Variants in ANKRD46 observed in about 807,000 individuals in gnomAD.
ANKRD46 encodes ankyrin repeat domain 46.
ANKRD46 carries 13 observed loss-of-function variants against 19.8 expected under a neutral mutation model. The observed-to-expected ratio is 0.66, with a 90% CI of 0.43 to 1.04. The LOEUF is 1.04. Among genes scored for constraint, ANKRD46 ranks in the 50% least tolerant of loss-of-function variants. The pLI is 0.00. For missense variants in ANKRD46, 185 were observed against 274.8 expected (o/e 0.67, Z 2.31); for synonymous variants, 91 against 106.9 (o/e 0.85, Z 0.92).
intron 1 of ANKRD46, among the ~76,000 whole-genome samples, chr8:100,558,115 C>A (rs924364431): frequency 1.3e-5 from 2 of 152,194 alleles, no homozygotes; most frequent in South Asian, 4.1e-4. Context: ...TATGCAAATT[C>A]TTAAATCTAT....
rs115435823 is a variant in ANKRD46, at chr8:100,539,367, A to C, written c.-130-6056T>G. On this transcript the variant is annotated intron_variant, in intron 1 of 4. Coordinates refer to ENST00000335659, the MANE Select transcript of ANKRD46 (RefSeq NM_001270377.2). ...GAGTTGCTCTCTTTCTGTGGGAAGT[A>C]AATAAAAGGAGGAACTAAGAACACT... 7.2e-3 allele frequency among the ~76,000 whole-genome samples: 1,090 copies of C among 152,332 alleles called. 16 individuals are homozygous for C. The highest frequency in any genetic ancestry group is 0.025 in the African/African-American group (1,043 of 41,568).
chr8:100,516,674 T>C (rs1811639842), downstream of ANKRD46, among the ~76,000 whole-genome samples: 1 of 152,236 alleles, frequency 6.6e-6, no homozygotes. Context: ...ATTAAGCTTT[T>C]CAGCATCCAG....
In ANKRD46 at chr8:100,521,887, CA is replaced by C; in HGVS notation, c.*667del. The C allele has an allele frequency of 1.0e-6, 1 of 984,754 alleles. No individual in the cohort carries two copies. 61.0% of individuals were successfully genotyped at this position (984,754 alleles called of 1,614,324 possible). On this transcript the variant is annotated 3_prime_UTR_variant, in exon 5 of 5. Transcript: ENST00000335659. The stretch of plus-strand genomic sequence containing the variant: ...CTCATTTATTTTTCACAGATATTAA[CA>C]AGCAAAGCAGTTTACAAAAAGATCA...
At chr8:100,552,080 G>A (rs1812402431) in intron 1 of ANKRD46, among the ~76,000 whole-genome samples, 2 of 151,524 alleles carry the variant, frequency 1.3e-5, no homozygotes, top group African/African-American at 4.9e-5. Context: ...AACCTGGGAG[G>A]TGGAGGTTGC....
At position 100,546,487 on chromosome 8, in the gene ANKRD46, G is replaced by A. The variant is rs1812275105; in HGVS notation, c.-130-13176C>T. On this transcript the variant is annotated intron_variant, in intron 1 of 4. Transcript: ENST00000335659. The surrounding 1 kb of genome is among the most constrained non-coding windows in gnomAD (Gnocchi z 4.0). ...TAGGTGTGCAGAAGACAGGAGTTGA[G>A]CTTTGGGAACCTCTGCCTAGATTTC... 6.6e-6 allele frequency among the ~76,000 whole-genome samples: 1 copy of A among 152,248 alleles called. No homozygotes were observed. The highest frequency in any genetic ancestry group is 1.5e-5 in the Non-Finnish European group (1 of 68,036).
rs1242399628 is a variant in ANKRD46, at chr8:100,543,347, T to C, written c.-130-10036A>G. ...TCAAAACCATTTAATATTTTGCGATTTGTTCTATAACAAATACTAAGGAAA... is the reference window on the plus strand; with the variant it reads ...TCAAAACCATTTAATATTTTGCGATCTGTTCTATAACAAATACTAAGGAAA... On this transcript the variant is annotated intron_variant, in intron 1 of 4. Coordinates refer to ENST00000335659, the MANE Select transcript of ANKRD46 (RefSeq NM_001270377.2). This position sits in a 1 kb window ranked among gnomAD's most constrained non-coding sequence, Gnocchi z 4.2. Among the ~76,000 whole-genome samples the C allele has an allele frequency of 6.6e-6, 1 of 152,236 alleles. No homozygotes were observed. Among genetic ancestry groups the C allele is most frequent in the Admixed American group, 6.5e-5 (1 of 15,280 alleles).
chr8:100,545,498 T>C lies in ANKRD46; in HGVS notation c.-130-12187A>G, dbSNP rs759096159. 2.4e-4 allele frequency among the ~76,000 whole-genome samples: 37 copies of C among 152,220 alleles called. No individual in the cohort carries two copies. Among genetic ancestry groups the C allele is most frequent in the Non-Finnish European group, 4.0e-4 (27 of 68,040 alleles). On this transcript the variant is annotated intron_variant, in intron 1 of 4. Coordinates refer to ENST00000335659, the MANE Select transcript of ANKRD46 (RefSeq NM_001270377.2). The surrounding 1 kb of genome is among the most constrained non-coding windows in gnomAD (Gnocchi z 4.7). ...CCTTCCACCATGATTCTAAGTTCCT[T>C]GAAGCCTCCCCAGCCATGTGGAACT...
rs1236946820 is a variant in ANKRD46, at chr8:100,544,874, G to C, written c.-130-11563C>G. On this transcript the variant is annotated intron_variant, in intron 1 of 4. Transcript: ENST00000335659. This position sits in a 1 kb window ranked among gnomAD's most constrained non-coding sequence, Gnocchi z 4.4. The stretch of plus-strand genomic sequence containing the variant: ...AATGGGGTCAGAGGCAACAATGGGA[G>C]CAACTCATAGAGTCTGGTGCTCTTC... 1.3e-5 allele frequency among the ~76,000 whole-genome samples: 2 copies of C among 152,146 alleles called. No homozygotes were observed. The highest frequency in any genetic ancestry group is 2.9e-5 in the Non-Finnish European group (2 of 68,034).
At chr8:100,551,023 A>G in intron 1 of ANKRD46, 1 of 517,210 alleles carries the variant, frequency 1.9e-6, no homozygotes. Context: ...AAGGACACGG[A>G]AGGCCATGCT....
Position 100,546,530 on chromosome 8 carries a change from T to G in ANKRD46, c.-131+13181A>C, listed in dbSNP as rs114061040. On this transcript the variant is annotated intron_variant, in intron 1 of 4. Coordinates refer to ENST00000335659, the MANE Select transcript of ANKRD46 (RefSeq NM_001270377.2). This position sits in a 1 kb window ranked among gnomAD's most constrained non-coding sequence, Gnocchi z 4.0. The stretch of plus-strand genomic sequence containing the variant: ...TAGATTTCAAAGGACATATGGAAAT[T>G]CCTGGATGTCCAGACAGAAGTCTGC... Among the ~76,000 whole-genome samples, 1,156 of 152,324 alleles carry G rather than the reference T, an allele frequency of 7.6e-3. 18 individuals carry two copies. The highest frequency in any genetic ancestry group is 0.026 in the African/African-American group (1,072 of 41,562).
At chr8:100,549,809 T>C (rs2130701431) in intron 1 of ANKRD46, among the ~76,000 whole-genome samples, 1 of 152,334 alleles carries the variant, frequency 6.6e-6, no homozygotes, top group South Asian at 2.1e-4. Flanking sequence ...TCAGGCAGAT[T>C]AGGTTCACTG....
downstream of ANKRD46, among the ~76,000 whole-genome samples, chr8:100,518,805 T>C (rs1811675219): frequency 1.3e-5 from 2 of 151,666 alleles, no homozygotes; most frequent in Non-Finnish European, 2.9e-5. Flanking sequence ...TGAGCCAAGA[T>C]TGCACCACTG....
At position 100,527,474 on chromosome 8, in the gene ANKRD46, C is replaced by T. The variant is rs1365830942; in HGVS notation, c.470+371G>A. On this transcript the variant is annotated intron_variant, in intron 4 of 4. Transcript: ENST00000335659. This position sits in a 1 kb window ranked among gnomAD's most constrained non-coding sequence, Gnocchi z 4.0. The stretch of plus-strand genomic sequence containing the variant: ...TAAAATCATCAAGCTCCGGCTTCCT[C>T]CCCTCAGATTCATTTGTTACTATTT... Among the ~76,000 whole-genome samples the T allele has an allele frequency of 2.0e-5, 3 of 152,160 alleles. No individual in the cohort carries two copies. Among genetic ancestry groups the T allele is most frequent in the Non-Finnish European group, 4.4e-5 (3 of 68,020 alleles).
rs1176653006 is a variant in ANKRD46, at chr8:100,510,098, G to C, written c.*479C>G. 2 of 153,518 alleles carry C rather than the reference G, an allele frequency of 1.3e-5. No individual in the cohort carries two copies. The highest frequency in any genetic ancestry group is 1.3e-4 in the Admixed American group (2 of 15,346). The allele number at this position is 153,518 out of a possible 1,614,324, so 9.5% of individuals were successfully genotyped here. On this transcript the variant is annotated 3_prime_UTR_variant, in exon 6 of 6. Transcript: ENST00000520552. This position sits in a 1 kb window ranked among gnomAD's most constrained non-coding sequence, Gnocchi z 4.9. The stretch of plus-strand genomic sequence containing the variant: ...AAAGTGCTTTCCTCAGCTGCAAACT[G>C]TATTTATGGCTTCTCGGAATTTTCC...
chr8:100,523,840 C>T (rs1242100898), intron 4 of ANKRD46, among the ~76,000 whole-genome samples: 1 of 152,102 alleles, frequency 6.6e-6, no homozygotes, highest in Non-Finnish European at 1.5e-5. Context: ...GACAGGGTTT[C>T]GCCATGTTGC....
At chr8:100,517,586 A>G (rs773125635), downstream of ANKRD46, among the ~76,000 whole-genome samples, 1 of 152,186 alleles carries the variant, frequency 6.6e-6, no homozygotes, top group Non-Finnish European at 1.5e-5. Context: ...CTGGCTATGG[A>G]GCAGTCTGGT....
intron 5 of ANKRD46, among the ~76,000 whole-genome samples, chr8:100,513,783 A>ATC (rs1390244887): frequency 6.6e-6 from 1 of 152,216 alleles, no homozygotes; most frequent in African/African-American, 2.4e-5. Flanking sequence ...ACATTTAAGG[A>ATC]TCTCTAAGTT....
rs1438475354 is a variant in ANKRD46 at position 100,510,652 on chromosome 8, G to C, written c.637-13C>G. 3 of 1,526,042 alleles carry C rather than the reference G, an allele frequency of 2.0e-6. No homozygotes were observed. The highest frequency in any genetic ancestry group is 4.9e-5 in the East Asian group (2 of 40,860). 94.5% of individuals were successfully genotyped at this position (1,526,042 alleles called of 1,614,324 possible). A position where few individuals can be genotyped will look rare whatever the true frequency, so the allele number is the denominator to read the frequency against. ...TCAGTGTCCTTCTCTGTAAATGTGG[G>C]GAAGACAGATTAAAAAAAAAAAAAA... is the stretch of plus-strand genomic sequence containing the variant. On this transcript the variant is annotated splice_polypyrimidine_tract_variant and intron_variant, in intron 5 of 5. Coordinates refer to the ANKRD46 transcript ENST00000520552. The surrounding 1 kb of genome is among the most constrained non-coding windows in gnomAD (Gnocchi z 4.9).
Position 100,534,021 on chromosome 8 carries a change from G to A in ANKRD46, c.-130-710C>T, listed in dbSNP as rs533749640. Among the ~76,000 whole-genome samples the A allele has an allele frequency of 1.3e-5, 2 of 152,318 alleles. No individual in the cohort carries two copies. Among genetic ancestry groups the A allele is most frequent in the South Asian group, 4.1e-4 (2 of 4,826 alleles). ...AAGGACCGTGGAAGCAGGGTCATGG[G>A]CAGGCAGTAAGGACCACAAAAATAG... On this transcript the variant is annotated intron_variant, in intron 1 of 4. Transcript: ENST00000335659. This position sits in a 1 kb window ranked among gnomAD's most constrained non-coding sequence, Gnocchi z 4.2.
Sources: allele counts gnomAD v4.1 joint callset (sites outside exome capture counted in the v4.1 genomes callset), GRCh38; gene constraint gnomAD v4.1.1; non-coding constraint Gnocchi (gnomAD v3.1); transcripts MANE v1.5; gene names NCBI Gene and HGNC (gene_info 2026-07-23, HGNC 2026-07-21).